ITPR1: variants seen among roughly 807,000 people sequenced by gnomAD.
ITPR1 encodes inositol 1,4,5-trisphosphate receptor type 1.
In ITPR1, 96 loss-of-function variants were observed where a neutral mutation model predicts 318.4. That is an observed-to-expected ratio of 0.30 (90% confidence interval 0.26 to 0.36). The LOEUF is 0.36. Among genes scored for constraint, ITPR1 ranks in the 10% least tolerant of loss-of-function variants. The pLI, the probability that ITPR1 is intolerant of heterozygous loss-of-function variation, is 1.00. For missense variants in ITPR1, 2,440 were observed against 3,460.2 expected (o/e 0.71, Z 7.40); for synonymous variants, 1,312 against 1,289.9 (o/e 1.02, Z -0.37).
At chr3:4,610,771 A>G (rs1488073900) in intron 4 of ITPR1, among the ~76,000 whole-genome samples, 1 of 152,096 alleles carries the variant, frequency 6.6e-6, no homozygotes, top group African/African-American at 2.4e-5. Context: ...AGGTCCGCCC[A>G]GCTATGGCCT....
At chr3:4,613,941 C>T (rs1488796802) in intron 4 of ITPR1, among the ~76,000 whole-genome samples, 1 of 152,164 alleles carries the variant, frequency 6.6e-6, no homozygotes, top group Non-Finnish European at 1.5e-5. Flanking sequence ...CAAGAAGGTG[C>T]TTCTTTCCAG....
At chr3:4,544,393 A>C (rs1388164980) in intron 4 of ITPR1, among the ~76,000 whole-genome samples, 1 of 152,260 alleles carries the variant, frequency 6.6e-6, no homozygotes, top group African/African-American at 2.4e-5. Context: ...CTCTTACTCT[A>C]GCCATCTCAA....
At chr3:4,516,732 G>A (rs2082200397) in intron 3 of ITPR1, 149 bp downstream of exon 3, 1 of 648,946 alleles carries the variant, frequency 1.5e-6, no homozygotes, top group Non-Finnish European at 2.7e-6. Context: ...TCTCATGTTA[G>A]CCAAGTTTAA....
chr3:4,700,350 A>G (rs144597154), intron 35 of ITPR1, among the ~76,000 whole-genome samples: 2 of 152,320 alleles, frequency 1.3e-5, no homozygotes, highest in African/African-American at 4.8e-5. Flanking sequence ...CCTTACATGC[A>G]TGGTCATCTC....
chr3:4,540,779 T>C (rs1368970926), intron 4 of ITPR1, among the ~76,000 whole-genome samples: 2 of 152,146 alleles, frequency 1.3e-5, no homozygotes, highest in African/African-American at 4.8e-5. Flanking sequence ...TTTCAACATA[T>C]TGCCCAGTCT....
chr3:4,553,439 A>AT (rs1450408638), intron 4 of ITPR1, among the ~76,000 whole-genome samples: 2 of 151,684 alleles, frequency 1.3e-5, no homozygotes, highest in Non-Finnish European at 2.9e-5. Context: ...TGTTATTATT[A>AT]TTTTGTTTTG....
chr3:4,700,651 C>T (rs1342979525), intron 35 of ITPR1, among the ~76,000 whole-genome samples: 1 of 152,172 alleles, frequency 6.6e-6, no homozygotes, highest in East Asian at 1.9e-4. Flanking sequence ...AGGAAAAAAG[C>T]AGATGGTGAG....
At chr3:4,669,875 A>C in intron 19 of ITPR1, 102 bp downstream of exon 19, 2 of 1,167,698 alleles carry the variant, frequency 1.7e-6, no homozygotes, top group Non-Finnish European at 2.2e-6. Flanking sequence ...AGTTGATCTA[A>C]AGTCAGTGTG....
Position 4,658,104 on chromosome 3 carries a change from T to A in ITPR1, c.997-20T>A, listed in dbSNP as rs772358390. The A allele has an allele frequency of 6.3e-7, 1 of 1,595,052 alleles. No homozygotes were observed. Among genetic ancestry groups the A allele is most frequent in the Admixed American group, 1.7e-5 (1 of 58,470 alleles). On this transcript the variant is annotated intron_variant, in intron 12 of 61. Coordinates refer to ENST00000649015, the MANE Select transcript of ITPR1 (RefSeq NM_001378452.1). Reference sequence around the variant, plus strand: ...GCTTTGGCATGCATGGTTCTTGATTTGGTGACTTTACCTCCTCAGGTGGAC... The same window carrying A: ...GCTTTGGCATGCATGGTTCTTGATTAGGTGACTTTACCTCCTCAGGTGGAC...
At chr3:4,562,690 G>A (rs1350495342) in intron 4 of ITPR1, among the ~76,000 whole-genome samples, 2 of 150,648 alleles carry the variant, frequency 1.3e-5, no homozygotes, top group Non-Finnish European at 2.9e-5. Context: ...TTTGCACTTA[G>A]CTAAAAATGA....
chr3:4,799,715 C>T (rs536579672), intron 53 of ITPR1: 6 of 152,000 alleles, frequency 3.9e-5, no homozygotes, highest in East Asian at 3.9e-4. Flanking sequence ...CAAGCCGTCT[C>T]GTGGGACACT....
chr3:4,734,520 T>C (rs995269658), intron 43 of ITPR1, among the ~76,000 whole-genome samples: 1 of 152,228 alleles, frequency 6.6e-6, no homozygotes, highest in African/African-American at 2.4e-5. Flanking sequence ...GCGTTCATGG[T>C]TTAGTTATTG....
rs1356307628 is a variant in ITPR1 at position 4,683,398 on chromosome 3, C to T, written c.3174C>T (p.Thr1058=). 6.2e-7 allele frequency: 1 copy of T among 1,613,834 alleles called. No homozygotes were observed. The highest frequency in any genetic ancestry group is 2.2e-5 in the East Asian group (1 of 44,884). ...TGTGCTCCTTTAGTGAGGAGAACAC[C>T]CCACTGGACTTGGATGACCACGGCG... ...EGIFGGSEEN[T]PLDLDDHGGR... The change falls in exon 27 of 62, where the codon ACC becomes ACT. Residue 1058 remains threonine (T), a synonymous_variant. Coordinates refer to ENST00000649015, the MANE Select transcript of ITPR1 (RefSeq NM_001378452.1).
chr3:4,657,433 C>T (rs542178228), intron 12 of ITPR1, among the ~76,000 whole-genome samples: 125 of 145,462 alleles, frequency 8.6e-4, no homozygotes, highest in Admixed American at 2.2e-3. Flanking sequence ...ACTCCTTCCA[C>T]GGTCATCTCT....
intron 25 of ITPR1, 118 bp downstream of exon 25, chr3:4,680,809 C>A: frequency 1.2e-6 from 1 of 844,560 alleles, no homozygotes; most frequent in Non-Finnish European, 1.8e-6. Flanking sequence ...ATTATTGCAC[C>A]AGGGCATCAT....
At chr3:4,769,129 A>T (rs2046018902) in intron 46 of ITPR1, among the ~76,000 whole-genome samples, 1 of 151,850 alleles carries the variant, frequency 6.6e-6, no homozygotes, top group Non-Finnish European at 1.5e-5. Context: ...CGAACTCCTG[A>T]CCTCAAGTGA....
rs186739262 is a variant in ITPR1 at position 4,817,801 on chromosome 3, G to A, written c.7868-281G>A. On this transcript the variant is annotated intron_variant, in intron 59 of 61. Transcript: ENST00000649015. ...TAAACACTCCTGGAACCTAGACGGCGGTCTCCCCATTCACTAACAAGGCCA... is the reference window on the plus strand; with the variant it reads ...TAAACACTCCTGGAACCTAGACGGCAGTCTCCCCATTCACTAACAAGGCCA... Among the ~76,000 whole-genome samples, 146 of 152,220 alleles carry A rather than the reference G, an allele frequency of 9.6e-4. 1 individual carries two copies. Among genetic ancestry groups the A allele is most frequent in the African/African-American group, 3.2e-3 (134 of 41,540 alleles).
intron 52 of ITPR1, 60 bp downstream of exon 52, chr3:4,788,199 T>G: frequency 7.4e-7 from 1 of 1,344,400 alleles, no homozygotes; most frequent in East Asian, 2.5e-5. Context: ...TTCACAAACT[T>G]GGGCTTGATG....
chr3:4,653,766 A>G, intron 11 of ITPR1, 76 bp from the exon 12 acceptor site: 1 of 1,027,456 alleles, frequency 9.7e-7, no homozygotes, highest in Non-Finnish European at 1.5e-6. Flanking sequence ...GCAGGCCTTG[A>G]AGTCTCCTGC....
Sources: gnomAD v4.1 joint callset for allele counts (sites outside exome capture counted in the v4.1 genomes callset) on GRCh38, gnomAD v4.1.1 for gene constraint, MANE v1.5 for transcripts, NCBI Gene and HGNC (gene_info 2026-07-23, HGNC 2026-07-21) for gene names.